Variants in MGST1 observed in about 807,000 individuals in gnomAD.
MGST1 encodes glutathione S-transferase 12.
Under a neutral mutation model 8.9 loss-of-function variants are expected in MGST1, and 5 were observed. The observed-to-expected ratio is 0.56, with a 90% CI of 0.29 to 1.19. MGST1 has a LOEUF of 1.19. Ranked by LOEUF, MGST1 falls within the 50% of genes most tolerant of loss-of-function variation. The pLI, the probability that MGST1 is intolerant of heterozygous loss-of-function variation, is 0.08. For missense variants in MGST1, 182 were observed against 187.4 expected (o/e 0.97, Z 0.17); for synonymous variants, 54 against 67.8 (o/e 0.80, Z 1.00).
intron 4 of MGST1, among the ~76,000 whole-genome samples, chr12:16,462,403 G>A (rs1271654719): frequency 1.3e-5 from 2 of 151,986 alleles, no homozygotes; most frequent in African/African-American, 2.4e-5. Flanking sequence ...AATCTACAGA[G>A]GACAGCATTT....
rs535180548 is a variant in MGST1 at position 16,502,755 on chromosome 12, A to G, written n.483-86773A>G. Among the ~76,000 whole-genome samples the G allele has an allele frequency of 1.6e-4, 25 of 152,294 alleles. 1 individual carries two copies. The South Asian group carries it at 1.7e-3, about 10-fold the overall frequency. ...CCTCTCTTGCTCCTCCCCCTCCCACATATGTTACACTAAGCATTGTCTTGT... is the reference window on the plus strand; with the variant it reads ...CCTCTCTTGCTCCTCCCCCTCCCACGTATGTTACACTAAGCATTGTCTTGT... On this transcript the variant is annotated intron_variant and non_coding_transcript_variant, in intron 4 of 4. Transcript: ENST00000538857.
chr12:16,409,627 A>G (rs1212727070), intron 1 of MGST1, among the ~76,000 whole-genome samples: 1 of 152,130 alleles, frequency 6.6e-6, no homozygotes, highest in Non-Finnish European at 1.5e-5. Context: ...GTGTAAGCAA[A>G]TGGCTTCTAG....
In MGST1 at chr12:16,576,849, T is replaced by G. The variant is rs979330137; in HGVS notation, n.483-12679T>G. ...GTACAATGGACATAAGACCTGTAGG[T>G]GGAAGTCAAAAATAAATTACTTAAA... On this transcript the variant is annotated intron_variant and non_coding_transcript_variant, in intron 4 of 4. Coordinates refer to the MGST1 transcript ENST00000538857. The surrounding 1 kb of genome is among the most constrained non-coding windows in gnomAD (Gnocchi z 4.1). Among the ~76,000 whole-genome samples, 1 of 152,176 alleles carries G rather than the reference T, an allele frequency of 6.6e-6. No individual in the cohort carries two copies. Among genetic ancestry groups the G allele is most frequent in the African/African-American group, 2.4e-5 (1 of 41,454 alleles).
intron 4 of MGST1, among the ~76,000 whole-genome samples, chr12:16,533,332 A>T (rs1233457168): frequency 6.6e-6 from 1 of 152,108 alleles, no homozygotes; most frequent in African/African-American, 2.4e-5. Flanking sequence ...GAGGCTGTAC[A>T]CCTTGATTTG....
chr12:16,517,475 G>C lies in MGST1; in HGVS notation n.483-72053G>C, dbSNP rs1941622144. Among the ~76,000 whole-genome samples, 2 of 152,120 alleles carry C rather than the reference G, an allele frequency of 1.3e-5. No homozygotes were observed. The highest frequency in any genetic ancestry group is 4.8e-5 in the African/African-American group (2 of 41,422). On this transcript the variant is annotated intron_variant and non_coding_transcript_variant, in intron 4 of 4. Coordinates refer to the MGST1 transcript ENST00000538857. This position sits in a 1 kb window ranked among gnomAD's most constrained non-coding sequence, Gnocchi z 4.2. ...AGGCCTGTACTAGATGAGGATCCTT[G>C]ATCTTGGACTTGCCAGCCTCCAAAA...
At position 16,363,874 on chromosome 12, in the gene MGST1, T is replaced by G. The variant is rs1462654486; in HGVS notation, c.301T>G (p.Ser101Ala). The G allele has an allele frequency of 1.2e-6, 2 of 1,614,000 alleles. No homozygotes were observed. Among genetic ancestry groups the G allele is most frequent in the East Asian group, 2.2e-5 (1 of 44,876 alleles). Residue 101 changes from serine (S) to alanine (A), a missense_variant, in exon 4 of 4, where the codon TCT becomes GCT. Transcript: ENST00000396210. This position sits in a 1 kb window ranked among gnomAD's most constrained non-coding sequence, Gnocchi z 4.6. Reference protein sequence around the residue: ...LLYSLSGPDPSTAILHFRLFV... With the variant: ...LLYSLSGPDPATAILHFRLFV... ...GTATTCCTTGAGTGGTCCCGACCCC[T>G]CTACAGCCATCCTGCACTTCAGACT...
Position 16,364,134 on chromosome 12 carries a change from G to A in MGST1, c.*93G>A, listed in dbSNP as rs145247525. The stretch of plus-strand genomic sequence containing the variant: ...ACTTTCTTAGATTTTAGGTAGGAGG[G>A]GAGCAGAGGAATTATGAACTGGGGT... On this transcript the variant is annotated 3_prime_UTR_variant, in exon 4 of 4. Transcript: ENST00000396210. The surrounding 1 kb of genome is among the most constrained non-coding windows in gnomAD (Gnocchi z 5.7). 3.1e-4 allele frequency: 449 copies of A among 1,456,086 alleles called. 2 individuals carry two copies. The highest frequency in any genetic ancestry group is 1.6e-3 in the Admixed American group (64 of 41,142). 90.2% of individuals were successfully genotyped at this position (1,456,086 alleles called of 1,614,324 possible). A position where few individuals can be genotyped will look rare whatever the true frequency, so the allele number is the denominator to read the frequency against.
chr12:16,357,768 T>TC, intron 3 of MGST1, 69 bp downstream of exon 3: 1 of 1,298,788 alleles, frequency 7.7e-7, no homozygotes, highest in Middle Eastern at 1.8e-4. Flanking sequence ...AGTGAAGATG[T>TC]CTCAGGGTCT....
chr12:16,505,765 C>A (rs1941534289), intron 4 of MGST1, among the ~76,000 whole-genome samples: 2 of 152,180 alleles, frequency 1.3e-5, no homozygotes, highest in South Asian at 4.1e-4. Context: ...AACCTAATTC[C>A]ATGCCTAAAT....
chr12:16,451,248 A>T (rs1028417952), intron 4 of MGST1, among the ~76,000 whole-genome samples: 4 of 151,892 alleles, frequency 2.6e-5, no homozygotes, highest in African/African-American at 9.7e-5. Flanking sequence ...TAGATTCAAG[A>T]CTAAAGCAAT....
chr12:16,373,411 G>A (rs1940328798), intron 3 of MGST1, among the ~76,000 whole-genome samples: 1 of 151,882 alleles, frequency 6.6e-6, no homozygotes, highest in South Asian at 2.1e-4. Context: ...TGCAATTGGA[G>A]TGTTCCTAAC....
intron 4 of MGST1, among the ~76,000 whole-genome samples, chr12:16,536,969 C>T (rs1378292555): frequency 6.6e-5 from 10 of 152,122 alleles, no homozygotes; most frequent in African/African-American, 2.4e-4. Flanking sequence ...CATGCCTTCC[C>T]AACAGTCCCC....
chr12:16,351,416 G>A (rs1054639361), intron 1 of MGST1, among the ~76,000 whole-genome samples: 5 of 152,148 alleles, frequency 3.3e-5, no homozygotes, highest in African/African-American at 1.2e-4. Context: ...AGAGACTTAT[G>A]GAGGTTGATT....
chr12:16,363,082 C>G lies in MGST1; in HGVS notation c.222-713C>G, dbSNP rs1026889459. 6.6e-6 allele frequency: 1 copy of G among 152,196 alleles called. No individual in the cohort carries two copies. Among genetic ancestry groups the G allele is most frequent in the Non-Finnish European group, 1.5e-5 (1 of 68,042 alleles). The allele number at this position is 152,196 out of a possible 1,614,324, so 9.4% of individuals were successfully genotyped here. ...AAACATGCTTTTTGTTTTCTTCTAGCTCTGTTATAAAGAAAACATTTAGGA... is the reference window on the plus strand; with the variant it reads ...AAACATGCTTTTTGTTTTCTTCTAGGTCTGTTATAAAGAAAACATTTAGGA... On this transcript the variant is annotated intron_variant, in intron 3 of 3. Transcript: ENST00000396210. This position sits in a 1 kb window ranked among gnomAD's most constrained non-coding sequence, Gnocchi z 4.6.
At position 16,428,255 on chromosome 12, in the gene MGST1, C is replaced by T. The variant is rs146780586; in HGVS notation, n.779-9133C>T. Among the ~76,000 whole-genome samples, 27 of 151,260 alleles carry T rather than the reference C, an allele frequency of 1.8e-4. No individual in the cohort carries two copies. The East Asian group carries it at 3.7e-3, about 21-fold the overall frequency. On this transcript the variant is annotated intron_variant and non_coding_transcript_variant, in intron 1 of 1. Coordinates refer to the MGST1 transcript ENST00000359720. ...TTTTTTGAGGGATCCTATATTTTGG[C>T]TTATTTTCATTGATGTTAATCTACT...
At position 16,584,509 on chromosome 12, in the gene MGST1, C is replaced by T. The variant is rs916923588; in HGVS notation, n.483-5019C>T. 6.6e-6 allele frequency among the ~76,000 whole-genome samples: 1 copy of T among 151,966 alleles called. No homozygotes were observed. The highest frequency in any genetic ancestry group is 2.4e-5 in the African/African-American group (1 of 41,328). On this transcript the variant is annotated intron_variant and non_coding_transcript_variant, in intron 4 of 4. Coordinates refer to the MGST1 transcript ENST00000538857. The surrounding 1 kb of genome is among the most constrained non-coding windows in gnomAD (Gnocchi z 5.2). ...GTGGAAAAGTGTTGAGTGAACGTAA[C>T]AGCAGAAATATACAGAGAATGAGGA...
chr12:16,407,042 TA>T (rs1347801195), intron 1 of MGST1, among the ~76,000 whole-genome samples: 1 of 152,130 alleles, frequency 6.6e-6, no homozygotes, highest in Non-Finnish European at 1.5e-5. Context: ...ATTGCAACAA[TA>T]GCAAAGATTG....
chr12:16,463,170 A>T (rs572572396), intron 4 of MGST1, among the ~76,000 whole-genome samples: 36 of 152,142 alleles, frequency 2.4e-4, no homozygotes, highest in African/African-American at 8.0e-4. Context: ...CTCTCCCCTT[A>T]CCTTACCCCA....
Position 16,364,053 on chromosome 12 carries a change from C to G in MGST1, c.*12C>G, listed in dbSNP as rs1940130415. On this transcript the variant is annotated 3_prime_UTR_variant, in exon 4 of 4. Transcript: ENST00000396210. The surrounding 1 kb of genome is among the most constrained non-coding windows in gnomAD (Gnocchi z 5.7). Reference sequence around the variant, plus strand: ...AATTGTACCTGTAAAGAAAATCATACAACTCAGCATCCAGTTGGCTTTTTA... The same window carrying G: ...AATTGTACCTGTAAAGAAAATCATAGAACTCAGCATCCAGTTGGCTTTTTA... 3.1e-6 allele frequency: 5 copies of G among 1,591,670 alleles called. No homozygotes were observed. Among genetic ancestry groups the G allele is most frequent in the African/African-American group, 2.7e-5 (2 of 74,248 alleles).
Sources: allele counts gnomAD v4.1 joint callset (sites outside exome capture counted in the v4.1 genomes callset), GRCh38; gene constraint gnomAD v4.1.1; non-coding constraint Gnocchi (gnomAD v3.1); transcripts MANE v1.5; gene names NCBI Gene and HGNC (gene_info 2026-07-23, HGNC 2026-07-21).